PPP2R2A: variants seen among roughly 807,000 people sequenced by gnomAD.
PPP2R2A encodes serine/threonine-protein phosphatase 2A 55 kDa regulatory subunit B alpha isoform.
Under a neutral mutation model 53.2 loss-of-function variants are expected in PPP2R2A, and 9 were observed. The observed-to-expected ratio is 0.17, with a 90% confidence interval of 0.10 to 0.30. The LOEUF (loss-of-function observed/expected upper bound fraction) is 0.30, where lower values mean the gene tolerates loss of function less well. PPP2R2A is among the 10% of genes least tolerant of loss of function. PPP2R2A has a pLI of 1.00. For synonymous variants in PPP2R2A, 169 were observed against 174.2 expected (o/e 0.97, Z 0.23); for missense variants, 235 against 534.6 (o/e 0.44, Z 5.53).
chr8:26,317,839 CCAGGATTG>C (rs1340758720), intron 2 of PPP2R2A, among the ~76,000 whole-genome samples: 1 of 152,094 alleles, frequency 6.6e-6, no homozygotes, highest in East Asian at 1.9e-4. Flanking sequence ...CAGAGATTAC[CCAGGATTG>C]CAGGTTTGTT....
chr8:26,364,727 C>T (rs550559808), intron 8 of PPP2R2A, among the ~76,000 whole-genome samples: 1 of 152,318 alleles, frequency 6.6e-6, no homozygotes, highest in African/African-American at 2.4e-5. Context: ...CAAAATACTG[C>T]TTTGCTTTTC....
At chr8:26,307,887 G>T (rs747852376) in intron 2 of PPP2R2A, among the ~76,000 whole-genome samples, 20 of 152,154 alleles carry the variant, frequency 1.3e-4, no homozygotes, top group Non-Finnish European at 2.8e-4. Context: ...GTTGAACCTT[G>T]TTGGTTCTTC....
intron 2 of PPP2R2A, among the ~76,000 whole-genome samples, chr8:26,307,378 G>A (rs1802068712): frequency 6.6e-6 from 1 of 152,088 alleles, no homozygotes; most frequent in South Asian, 2.1e-4. Context: ...TAAAGTGATC[G>A]GTTCATTTTG....
intron 2 of PPP2R2A, among the ~76,000 whole-genome samples, chr8:26,303,101 G>GA (rs1391188455): frequency 1.3e-5 from 2 of 152,112 alleles, no homozygotes; most frequent in Admixed American, 1.3e-4. Flanking sequence ...AATTGCCTAC[G>GA]AAAGTAGTTT....
intron 4 of PPP2R2A, among the ~76,000 whole-genome samples, chr8:26,357,879 T>C (rs751177221): frequency 5.3e-5 from 8 of 152,106 alleles, no homozygotes; most frequent in Non-Finnish European, 2.9e-5. Flanking sequence ...GAGAATCTAA[T>C]AACGTCTCCA....
chr8:26,370,661 C>T lies in PPP2R2A; in HGVS notation c.*248C>T. 1 of 523,488 alleles carries T rather than the reference C, an allele frequency of 1.9e-6. No homozygotes were observed. Among genetic ancestry groups the T allele is most frequent in the Non-Finnish European group, 3.5e-6 (1 of 289,620 alleles). The allele number at this position is 523,488 out of a possible 1,614,324, so 32.4% of individuals were successfully genotyped here. A position where few individuals can be genotyped will look rare whatever the true frequency, so the allele number is the denominator to read the frequency against. On this transcript the variant is annotated 3_prime_UTR_variant, in exon 10 of 10. Transcript: ENST00000380737. This position sits in a 1 kb window ranked among gnomAD's most constrained non-coding sequence, Gnocchi z 6.1. ...TTTTAATTTAAATGACTTCTTGCACCATCTTGCCTAATGGACTAGATTGGA... is the reference window on the plus strand; with the variant it reads ...TTTTAATTTAAATGACTTCTTGCACTATCTTGCCTAATGGACTAGATTGGA...
rs1194134311 is a variant in PPP2R2A at position 26,371,928 on chromosome 8, G to T, written c.*1515G>T. 6.6e-6 allele frequency: 1 copy of T among 152,138 alleles called. No individual in the cohort carries two copies. Among genetic ancestry groups the T allele is most frequent in the Admixed American group, 6.5e-5 (1 of 15,272 alleles). The allele number at this position is 152,138 out of a possible 1,614,324, so 9.4% of individuals were successfully genotyped here. A position where few individuals can be genotyped will look rare whatever the true frequency, so the allele number is the denominator to read the frequency against. ...TTATTTTTGAAAGGTGAAATGAACA[G>T]GCATTTATATTATTAGAGAATGGTA... On this transcript the variant is annotated 3_prime_UTR_variant, in exon 10 of 10. Transcript: ENST00000380737.
chr8:26,293,842 A>G (rs748876206), intron 2 of PPP2R2A, 102 bp downstream of exon 2: 9 of 1,074,810 alleles, frequency 8.4e-6, no homozygotes, highest in South Asian at 1.4e-5. Context: ...ATTCAAGATG[A>G]TTTTGTTGTC....
chr8:26,367,673 C>T (rs1052635011), intron 9 of PPP2R2A, among the ~76,000 whole-genome samples: 6 of 152,336 alleles, frequency 3.9e-5, no homozygotes, highest in Non-Finnish European at 7.3e-5. Flanking sequence ...ATTCCATTTA[C>T]GCCAGATGTG....
At chr8:26,297,195 A>T (rs1801581643) in intron 2 of PPP2R2A, among the ~76,000 whole-genome samples, 1 of 152,080 alleles carries the variant, frequency 6.6e-6, no homozygotes, top group Non-Finnish European at 1.5e-5. Context: ...CTGCATCCTC[A>T]GCCTCCCGGG....
In PPP2R2A at chr8:26,291,691, GT is replaced by G; in HGVS notation, c.-128del. The stretch of plus-strand genomic sequence containing the variant: ...CTCCTTCCTTTTCCCCCCGGCCCCC[GT>G]CCCCTCCCCCCGCAGGTGCCATCCG... On this transcript the variant is annotated 5_prime_UTR_variant, in exon 1 of 10. Transcript: ENST00000380737. 1 of 102,724 alleles carries G rather than the reference GT, an allele frequency of 9.7e-6. No individual in the cohort carries two copies. The highest frequency in any genetic ancestry group is 1.9e-5 in the Non-Finnish European group (1 of 51,596). 6.4% of individuals were successfully genotyped at this position (102,724 alleles called of 1,614,324 possible).
At chr8:26,357,182 G>A (rs1804829399) in intron 4 of PPP2R2A, among the ~76,000 whole-genome samples, 1 of 151,906 alleles carries the variant, frequency 6.6e-6, no homozygotes, top group Non-Finnish European at 1.5e-5. Flanking sequence ...TGGAAAGAAG[G>A]AGACTTAGAG....
chr8:26,293,221 A>T, intron 1 of PPP2R2A: 1 of 1,535,398 alleles, frequency 6.5e-7, no homozygotes, highest in Non-Finnish European at 8.7e-7. Flanking sequence ...GGTTCATATG[A>T]ATCATTACTC....
At chr8:26,356,921 C>T (rs889102961) in intron 4 of PPP2R2A, among the ~76,000 whole-genome samples, 2 of 152,188 alleles carry the variant, frequency 1.3e-5, no homozygotes, top group Non-Finnish European at 2.9e-5. Context: ...AATCCGATTA[C>T]AACGTCTATG....
At chr8:26,298,252 T>C (rs149089095) in intron 2 of PPP2R2A, among the ~76,000 whole-genome samples, 14 of 152,308 alleles carry the variant, frequency 9.2e-5, no homozygotes, top group African/African-American at 3.1e-4. Context: ...TAATAATGTA[T>C]TAAAGGGTTT....
Position 26,362,037 on chromosome 8 carries a change from A to AG in PPP2R2A, c.638-647_638-646insG, listed in dbSNP as rs1204064689. Among the ~76,000 whole-genome samples the AG allele has an allele frequency of 7.1e-6, 1 of 140,688 alleles. No homozygotes were observed. The highest frequency in any genetic ancestry group is 1.6e-5 in the Non-Finnish European group (1 of 64,408). 92.3% of individuals were successfully genotyped at this position (140,688 alleles called of 152,430 possible). ...ATTAGATTAAGATTAGATTAAGATT[A>AG]ATCTTAAGATTAGATTAAGATTAAT... On this transcript the variant is annotated intron_variant, in intron 6 of 9. Transcript: ENST00000380737. This position sits in a 1 kb window ranked among gnomAD's most constrained non-coding sequence, Gnocchi z 4.4.
chr8:26,300,145 T>C (rs1801715626), intron 2 of PPP2R2A, among the ~76,000 whole-genome samples: 1 of 152,192 alleles, frequency 6.6e-6, no homozygotes, highest in Non-Finnish European at 1.5e-5. Flanking sequence ...TGAGAGAGAA[T>C]GGCCATTGAA....
intron 2 of PPP2R2A, among the ~76,000 whole-genome samples, chr8:26,304,512 T>C (rs2117211265): frequency 6.6e-6 from 1 of 152,352 alleles, no homozygotes; most frequent in Non-Finnish European, 1.5e-5. Context: ...GTGTTACTTT[T>C]CAAACCTGCC....
At chr8:26,304,584 G>T (rs577627005) in intron 2 of PPP2R2A, among the ~76,000 whole-genome samples, 3 of 152,262 alleles carry the variant, frequency 2.0e-5, no homozygotes, top group Non-Finnish European at 4.4e-5. Context: ...CCTTTTTGGT[G>T]TTACCCTGCG....
Sources: gnomAD v4.1 joint callset for allele counts (sites outside exome capture counted in the v4.1 genomes callset) on GRCh38, gnomAD v4.1.1 for gene constraint, Gnocchi (gnomAD v3.1) non-coding constraint, MANE v1.5 for transcripts, NCBI Gene and HGNC (gene_info 2026-07-23, HGNC 2026-07-21) for gene names.